Variants in EPHA6 observed in about 807,000 individuals in gnomAD.
EPHA6 encodes EPH receptor A6, also known as ephrin type-A receptor 6.
In EPHA6, 50 loss-of-function variants were observed where a neutral mutation model predicts 112.0. That is an observed-to-expected ratio of 0.45 (90% CI 0.36 to 0.56). The LOEUF is 0.56. Among genes scored for constraint, EPHA6 ranks in the 20% least tolerant of loss-of-function variants. EPHA6 has a pLI of 0.00. For missense variants in EPHA6, 1,280 were observed against 1,417.4 expected (o/e 0.90, Z 1.56); for synonymous variants, 529 against 490.7 (o/e 1.08, Z -1.03).
intron 13 of EPHA6, among the ~76,000 whole-genome samples, chr3:97,614,514 T>A (rs1156870688): frequency 1.3e-5 from 2 of 148,920 alleles, no homozygotes; most frequent in Admixed American, 6.7e-5. Flanking sequence ...TTTTTTTTTT[T>A]TTTTTTTTTT....
At chr3:97,324,668 A>T (rs552408088) in intron 5 of EPHA6, among the ~76,000 whole-genome samples, 1 of 151,730 alleles carries the variant, frequency 6.6e-6, no homozygotes, top group Non-Finnish European at 1.5e-5. Context: ...CCTCCTAAGT[A>T]GCTGGGATTA....
rs1216777345 is a variant in EPHA6, at chr3:97,748,606, G to A, written c.3298G>A (p.Val1100Ile). ...TTTCAGTGACATTAGAAGAATTGGA[G>A]TCATACTTATTGGACACCAGAGACG... Reference protein sequence around the residue: ...MSIDDIRRIGVILIGHQRRIV... With the variant: ...MSIDDIRRIGIILIGHQRRIV... Residue 1100 changes from valine to isoleucine, a missense_variant, in exon 18 of 18, where the codon GTC becomes ATC. Physicochemically the swap from Val to Ile is conservative, Grantham distance 29. This residue lies in a region of EPHA6 where 145 missense variants were observed against 153.3 expected (regional missense o/e 0.95). Coordinates refer to ENST00000389672, the MANE Select transcript of EPHA6 (RefSeq NM_001080448.3). The A allele has an allele frequency of 1.2e-6, 2 of 1,605,940 alleles. No individual in the cohort carries two copies. The highest frequency in any genetic ancestry group is 4.5e-5 in the East Asian group (2 of 44,818).
At chr3:97,745,470 G>A in intron 16 of EPHA6, 1 of 420,048 alleles carries the variant, frequency 2.4e-6, no homozygotes, top group Non-Finnish European at 4.7e-6. Context: ...CCTCCAAATA[G>A]GAAATGCAAT....
At chr3:97,496,744 CT>C (rs1245623945) in intron 10 of EPHA6, among the ~76,000 whole-genome samples, 5 of 151,858 alleles carry the variant, frequency 3.3e-5, no homozygotes. Flanking sequence ...GTTTTAGCTG[CT>C]GATTGAGTCT....
intron 11 of EPHA6, among the ~76,000 whole-genome samples, chr3:97,586,727 T>TGGATAGACAGACAGAC (rs1553823571): frequency 2.0e-5 from 3 of 151,348 alleles, no homozygotes; most frequent in Admixed American, 6.6e-5. Flanking sequence ...GATGGATGGA[T>TGGATAGACAGACAGAC]AGACAGACAG....
At chr3:97,601,938 A>G (rs1023383245) in intron 12 of EPHA6, among the ~76,000 whole-genome samples, 1 of 152,078 alleles carries the variant, frequency 6.6e-6, no homozygotes, top group Non-Finnish European at 1.5e-5. Flanking sequence ...CATTTATTTA[A>G]TAATAAGACA....
chr3:97,645,749 A>G (rs1055896137), intron 14 of EPHA6, among the ~76,000 whole-genome samples: 4 of 152,140 alleles, frequency 2.6e-5, no homozygotes, highest in Non-Finnish European at 5.9e-5. Context: ...TGATACGTAT[A>G]TATTTTACGT....
intron 3 of EPHA6, among the ~76,000 whole-genome samples, chr3:97,046,723 A>G (rs2045520030): frequency 6.6e-6 from 1 of 152,318 alleles, no homozygotes; most frequent in Admixed American, 6.5e-5. Context: ...ACAAGAAACA[A>G]TTGAAAATTA....
At chr3:97,596,875 A>AATAT (rs62670860) in intron 12 of EPHA6, among the ~76,000 whole-genome samples, 1,117 of 100,344 alleles carry the variant, frequency 0.011, 36 homozygotes, top group African/African-American at 0.048. Flanking sequence ...ATATCTATGG[A>AATAT]ATATATATAT....
chr3:96,995,448 T>C (rs1159544623), intron 3 of EPHA6, among the ~76,000 whole-genome samples: 1 of 152,080 alleles, frequency 6.6e-6, no homozygotes, highest in Non-Finnish European at 1.5e-5. Flanking sequence ...AGCTTTTTCA[T>C]GAAGCAATTC....
intron 15 of EPHA6, among the ~76,000 whole-genome samples, chr3:97,728,664 G>T (rs1281811347): frequency 2.6e-5 from 4 of 152,192 alleles, no homozygotes; most frequent in African/African-American, 7.2e-5. Flanking sequence ...GAGGTGAAAG[G>T]TACTATTGCA....
chr3:97,554,691 G>A (rs1488894119), intron 11 of EPHA6, among the ~76,000 whole-genome samples: 2 of 151,904 alleles, frequency 1.3e-5, no homozygotes, highest in South Asian at 2.1e-4. Flanking sequence ...AGCCTCAGGA[G>A]GTAGAACACT....
intron 3 of EPHA6, among the ~76,000 whole-genome samples, chr3:97,106,201 T>C (rs2047562158): frequency 6.6e-6 from 1 of 152,102 alleles, no homozygotes; most frequent in Non-Finnish European, 1.5e-5. Context: ...ATAATTATTG[T>C]CATTGGCATG....
intron 2 of EPHA6, among the ~76,000 whole-genome samples, chr3:96,905,635 T>A (rs1375249675): frequency 6.6e-6 from 1 of 152,040 alleles, no homozygotes; most frequent in Non-Finnish European, 1.5e-5. Context: ...CTCATGTGTT[T>A]TTTTCACTTG....
intron 2 of EPHA6, among the ~76,000 whole-genome samples, chr3:96,930,620 T>C (rs2040263804): frequency 6.6e-6 from 1 of 152,098 alleles, no homozygotes; most frequent in Non-Finnish European, 1.5e-5. Flanking sequence ...AGCCTGAACA[T>C]GCCTGTAGGA....
At position 97,342,584 on chromosome 3, in the gene EPHA6, C is replaced by T. The variant is rs373528485; in HGVS notation, c.1607-62566C>T. Reference sequence around the variant, plus strand: ...TGTTCCCACAGAATTCATATGTTGACGCCCTAACCTTCAATGTGATAGTAT... The same window carrying T: ...TGTTCCCACAGAATTCATATGTTGATGCCCTAACCTTCAATGTGATAGTAT... On this transcript the variant is annotated intron_variant, in intron 5 of 17. Coordinates refer to ENST00000389672, the MANE Select transcript of EPHA6 (RefSeq NM_001080448.3). Among the ~76,000 whole-genome samples, 18 of 152,266 alleles carry T rather than the reference C, an allele frequency of 1.2e-4. No individual in the cohort carries two copies. In the East Asian group the frequency reaches 1.3e-3, roughly 11 times the overall value.
chr3:96,861,964 C>T (rs934392365), intron 1 of EPHA6, among the ~76,000 whole-genome samples: 1 of 151,728 alleles, frequency 6.6e-6, no homozygotes, highest in Non-Finnish European at 1.5e-5. Flanking sequence ...AATATGGTTG[C>T]AACTCCGTGT....
chr3:97,303,039 A>G (rs971193431), intron 5 of EPHA6, among the ~76,000 whole-genome samples: 3 of 151,964 alleles, frequency 2.0e-5, no homozygotes, highest in African/African-American at 7.2e-5. Context: ...CAAGGAATGA[A>G]GAGAGATTTA....
intron 14 of EPHA6, among the ~76,000 whole-genome samples, chr3:97,695,593 T>A (rs2032982187): frequency 6.6e-6 from 1 of 152,180 alleles, no homozygotes; most frequent in Non-Finnish European, 1.5e-5. Context: ...CAGGCCCGAA[T>A]GCAGTGGCGC....
Sources: gnomAD v4.1 joint callset for allele counts (sites outside exome capture counted in the v4.1 genomes callset) on GRCh38, gnomAD v4.1.1 for gene constraint, gnomAD v4.1.1 regional missense constraint, MANE v1.5 for transcripts, NCBI Gene and HGNC (gene_info 2026-07-23, HGNC 2026-07-21) for gene names.